ZNF804B: variants seen among roughly 807,000 people sequenced by gnomAD.
ZNF804B encodes the protein zinc finger 804B.
In ZNF804B, 80 loss-of-function variants were observed where a neutral mutation model predicts 101.4. That is an observed-to-expected ratio of 0.79 (90% CI 0.66 to 0.95). The LOEUF (loss-of-function observed/expected upper bound fraction) is 0.95, where lower values mean the gene tolerates loss of function less well. ZNF804B is among the 40% of genes least tolerant of loss of function. The pLI, the probability that ZNF804B is intolerant of heterozygous loss-of-function variation, is 0.00. For synonymous variants in ZNF804B, 622 were observed against 558.8 expected (o/e 1.11, Z -1.59); for missense variants, 1,673 against 1,561.9 (o/e 1.07, Z -1.20).
chr7:88,978,466 T>G (rs1793648880), intron 1 of ZNF804B, among the ~76,000 whole-genome samples: 1 of 151,866 alleles, frequency 6.6e-6, no homozygotes, highest in Non-Finnish European at 1.5e-5. Context: ...CCTTTGTTAT[T>G]TCTTTATCTC....
intron 2 of ZNF804B, among the ~76,000 whole-genome samples, chr7:89,286,500 C>A (rs1247357214): frequency 1.3e-5 from 2 of 152,104 alleles, no homozygotes; most frequent in Admixed American, 6.5e-5. Context: ...TACAACAGAG[C>A]CAGTCAAGAA....
At chr7:89,321,502 T>A (rs1295244223) in intron 2 of ZNF804B, among the ~76,000 whole-genome samples, 4 of 151,936 alleles carry the variant, frequency 2.6e-5, no homozygotes, top group Admixed American at 6.6e-5. Flanking sequence ...AATAATAATT[T>A]TATGTTACAT....
At chr7:89,300,824 T>C (rs1283453230) in intron 2 of ZNF804B, among the ~76,000 whole-genome samples, 1 of 151,896 alleles carries the variant, frequency 6.6e-6, no homozygotes. Flanking sequence ...AAAAAAGTTT[T>C]GAAGAGATTG....
intron 1 of ZNF804B, among the ~76,000 whole-genome samples, chr7:88,829,213 C>G (rs1486776460): frequency 6.6e-6 from 1 of 152,092 alleles, no homozygotes; most frequent in Non-Finnish European, 1.5e-5. Flanking sequence ...ACCTCAACCT[C>G]CCAAGTAGCT....
chr7:89,144,365 T>C (rs1790759537), intron 1 of ZNF804B, among the ~76,000 whole-genome samples: 1 of 152,062 alleles, frequency 6.6e-6, no homozygotes, highest in South Asian at 2.1e-4. Context: ...TTATCTAGCA[T>C]GGAATTTGAT....
Position 88,760,064 on chromosome 7 carries a change from A to G in ZNF804B, c.88A>G (p.Lys30Glu), listed in dbSNP as rs1018558226. 3 of 1,614,222 alleles carry G rather than the reference A, an allele frequency of 1.9e-6. No individual in the cohort carries two copies. The Middle Eastern group carries it at 4.9e-4, about 266-fold the overall frequency. ...AGGAGTCTTCAGGGGACCCCTGTGC[A>G]AGAACGGATCTCCCTCTCCGGTAAT... is the stretch of plus-strand genomic sequence containing the variant. Reference protein sequence around the residue: ...IKGVFRGPLCKNGSPSPDFAE... With the variant: ...IKGVFRGPLCENGSPSPDFAE... Residue 30 changes from lysine to glutamate, a missense_variant, in exon 1 of 4, where the codon AAG becomes GAG. Lys to Glu is a moderately conservative substitution (Grantham distance 56). Transcript: ENST00000333190.
rs1156928046 is a variant in ZNF804B, at chr7:89,216,246, C to G, written c.109-1909C>G. Among the ~76,000 whole-genome samples, 4 of 151,690 alleles carry G rather than the reference C, an allele frequency of 2.6e-5. No individual in the cohort carries two copies. The East Asian group carries it at 6.0e-4, about 23-fold the overall frequency. On this transcript the variant is annotated intron_variant, in intron 1 of 3. Transcript: ENST00000333190. ...CGCTTGAACTCCGGGAGGGGGAGGT[C>G]GCGGTGAGCCGAGATCGCGCCATTG...
intron 1 of ZNF804B, among the ~76,000 whole-genome samples, chr7:89,204,537 C>T (rs1788689344): frequency 6.6e-6 from 1 of 152,128 alleles, no homozygotes; most frequent in Non-Finnish European, 1.5e-5. Flanking sequence ...TAAACATGAT[C>T]ACTCAGTAGG....
intron 1 of ZNF804B, among the ~76,000 whole-genome samples, chr7:88,883,668 T>C (rs947401977): frequency 2.0e-5 from 3 of 152,108 alleles, no homozygotes; most frequent in African/African-American, 7.2e-5. Context: ...CCACAGATTA[T>C]AAAATTCTAC....
Position 89,333,639 on chromosome 7 carries a change from A to G in ZNF804B, c.657A>G (p.Val219=). 2 of 1,613,656 alleles carry G rather than the reference A, an allele frequency of 1.2e-6. No homozygotes were observed. Among genetic ancestry groups the G allele is most frequent in the Non-Finnish European group, 1.7e-6 (2 of 1,179,734 alleles). ...DLSNANHRTG[V]SFTFSKKVHL... The stretch of plus-strand genomic sequence containing the variant: ...GCAATGCAAATCACAGAACAGGAGT[A>G]TCATTTACTTTTTCCAAAAAAGTGC... Residue 219 remains valine (V), a synonymous_variant, in exon 4 of 4, where the codon GTA becomes GTG. Transcript: ENST00000333190.
chr7:89,280,507 G>A (rs1039899249), intron 2 of ZNF804B, among the ~76,000 whole-genome samples: 3 of 152,088 alleles, frequency 2.0e-5, no homozygotes, highest in South Asian at 2.1e-4. Context: ...TTGATAGACC[G>A]CTAGCAAGAC....
chr7:88,941,637 A>G (rs1037126173), intron 1 of ZNF804B, among the ~76,000 whole-genome samples: 6 of 151,996 alleles, frequency 3.9e-5, no homozygotes, highest in African/African-American at 1.4e-4. Flanking sequence ...CAGAGCACAG[A>G]TGATTTTTAA....
chr7:89,115,109 G>C (rs952970383), intron 1 of ZNF804B, among the ~76,000 whole-genome samples: 25 of 152,048 alleles, frequency 1.6e-4, no homozygotes, highest in East Asian at 3.9e-4. Context: ...ATAGAACATA[G>C]AGGGATAGAA....
chr7:89,298,201 A>AGTGT lies in ZNF804B; in HGVS notation c.250-29130_250-29127dup, dbSNP rs796540032. ...ATATAGTGTGTATATATATCTATAT[A>AGTGT]GTGTGTGTGTGTGTGTATATATATA... On this transcript the variant is annotated intron_variant, in intron 2 of 3. Coordinates refer to ENST00000333190, the MANE Select transcript of ZNF804B (RefSeq NM_181646.5). Among the ~76,000 whole-genome samples, 53 of 71,510 alleles carry AGTGT rather than the reference A, an allele frequency of 7.4e-4. 2 individuals carry two copies. Among genetic ancestry groups the AGTGT allele is most frequent in the African/African-American group, 2.6e-3 (43 of 16,492 alleles). The allele number at this position is 71,510 out of a possible 152,430, so 46.9% of individuals were successfully genotyped here.
intron 1 of ZNF804B, among the ~76,000 whole-genome samples, chr7:89,109,703 A>T (rs1176118337): frequency 6.6e-6 from 1 of 152,150 alleles, no homozygotes; most frequent in Non-Finnish European, 1.5e-5. Flanking sequence ...TTCTTTAAGC[A>T]TAGCTTAAAT....
chr7:88,871,378 TAA>T (rs1791820677), intron 1 of ZNF804B, among the ~76,000 whole-genome samples: 1 of 151,546 alleles, frequency 6.6e-6, no homozygotes, highest in African/African-American at 2.4e-5. Flanking sequence ...AATAAAAAAG[TAA>T]AAGTGCAATT....
chr7:88,894,259 G>A (rs1366356487), intron 1 of ZNF804B, among the ~76,000 whole-genome samples: 4 of 151,820 alleles, frequency 2.6e-5, no homozygotes, highest in Admixed American at 1.3e-4. Flanking sequence ...TGTTGCCCAG[G>A]CTGGAGTGCA....
intron 1 of ZNF804B, among the ~76,000 whole-genome samples, chr7:88,932,644 T>G (rs1226217035): frequency 6.6e-6 from 1 of 151,606 alleles, no homozygotes; most frequent in Admixed American, 6.6e-5. Flanking sequence ...CTAAAAAATC[T>G]AGAGGAGATG....
Position 89,334,048 on chromosome 7 carries a change from T to G in ZNF804B, c.1066T>G (p.Cys356Gly). The G allele has an allele frequency of 6.2e-7, 1 of 1,613,518 alleles. No individual in the cohort carries two copies. Among genetic ancestry groups the G allele is most frequent in the African/African-American group, 1.3e-5 (1 of 75,016 alleles). Residue 356 changes from cysteine to glycine, a missense_variant, in exon 4 of 4, where the codon TGT becomes GGT. Cys to Gly is a radical substitution (Grantham distance 159). Coordinates refer to ENST00000333190, the MANE Select transcript of ZNF804B (RefSeq NM_181646.5). ...TACATTGAAGAACACTTTAGAAAAT[T>G]GTGTTAATCACCCATGCCAAGCAAA... ...RNTLKNTLENCVNHPCQANAS... is the reference protein window; with the variant it reads ...RNTLKNTLENGVNHPCQANAS...
Sources: gnomAD v4.1 joint callset for allele counts (sites outside exome capture counted in the v4.1 genomes callset) on GRCh38, gnomAD v4.1.1 for gene constraint, MANE v1.5 for transcripts, NCBI Gene and HGNC (gene_info 2026-07-23, HGNC 2026-07-21) for gene names.